The following IMPDH1 variants were observed in gnomAD, a reference collection of about 807,000 sequenced individuals.
IMPDH1 encodes inosine monophosphate dehydrogenase 1, also known as inosine-5'-monophosphate dehydrogenase 1.
IMPDH1 carries 41 observed loss-of-function variants against 73.5 expected under a neutral mutation model. The ratio of observed to expected loss-of-function variants is 0.56; its 90% confidence interval spans 0.43 to 0.72. IMPDH1 has a LOEUF of 0.72. Ranked by LOEUF, IMPDH1 falls within the 30% of genes least tolerant of loss-of-function variation. The pLI is 0.00. For missense variants in IMPDH1, 645 were observed against 824.8 expected (o/e 0.78, Z 2.67); for synonymous variants, 318 against 334.3 (o/e 0.95, Z 0.53).
intron 3 of IMPDH1, among the ~76,000 whole-genome samples, chr7:128,406,262 C>T (rs1798755089): frequency 1.0e-5 from 1 of 95,560 alleles, no homozygotes; most frequent in African/African-American, 4.1e-5. Context: ...TCCAGCCACC[C>T]AGGACCCCCC....
chr7:128,404,306 C>T (rs998788718), intron 4 of IMPDH1, among the ~76,000 whole-genome samples: 9 of 152,118 alleles, frequency 5.9e-5, no homozygotes, highest in Admixed American at 4.6e-4. Flanking sequence ...TCTGACAGAG[C>T]AGAACAGAAA....
Position 128,394,183 on chromosome 7 carries a change from TG to T in IMPDH1, c.1778+94del. The T allele has an allele frequency of 1.0e-6, 1 of 991,408 alleles. No homozygotes were observed. The highest frequency in any genetic ancestry group is 1.6e-6 in the Non-Finnish European group (1 of 622,704). 61.4% of individuals were successfully genotyped at this position (991,408 alleles called of 1,614,324 possible). A position where few individuals can be genotyped will look rare whatever the true frequency, so the allele number is the denominator to read the frequency against. On this transcript the variant is annotated intron_variant, in intron 16 of 16. Transcript: ENST00000338791. The surrounding 1 kb of genome is among the most constrained non-coding windows in gnomAD (Gnocchi z 5.5). ...ATCTGTCCCTGCTGCAGGTGGTCCA[TG>T]GGGTCCCTGGAACCTCAGCTTGACC...
intron 3 of IMPDH1, among the ~76,000 whole-genome samples, chr7:128,408,262 C>CT (rs1798906232): frequency 6.6e-6 from 1 of 152,212 alleles, no homozygotes; most frequent in African/African-American, 2.4e-5. Context: ...CCCGAGGGCT[C>CT]TATCAGGCCT....
At chr7:128,403,828 G>A (rs1798512498) in intron 4 of IMPDH1, 74 bp from the exon 5 acceptor site, 1 of 1,310,304 alleles carries the variant, frequency 7.6e-7, no homozygotes, top group Non-Finnish European at 1.1e-6. Flanking sequence ...CATGCCAGAG[G>A]AGGCAGCAGG....
intron 9 of IMPDH1, among the ~76,000 whole-genome samples, chr7:128,399,259 G>T (rs541578734): frequency 1.3e-5 from 2 of 151,760 alleles, no homozygotes; most frequent in South Asian, 4.2e-4. Flanking sequence ...CCAACTACTC[G>T]GGAGGCTGAG....
In IMPDH1 at chr7:128,404,983, A is replaced by G. The variant is rs116464445; in HGVS notation, c.353+784T>C. ...AGCAGGAGTGCTTACAAGCCAGGGC[A>G]GGGCTGGCAGGAGACAAGGCAGGGA... On this transcript the variant is annotated intron_variant, in intron 4 of 16. Coordinates refer to ENST00000338791, the MANE Select transcript of IMPDH1 (RefSeq NM_000883.4). 5.8e-3 allele frequency among the ~76,000 whole-genome samples: 884 copies of G among 152,318 alleles called. 12 individuals are homozygous for G. Among genetic ancestry groups the G allele is most frequent in the African/African-American group, 0.02 (840 of 41,570 alleles).
At chr7:128,403,795 T>C (rs765047914) in intron 4 of IMPDH1, 41 bp from the exon 5 acceptor site, 1 of 1,582,372 alleles carries the variant, frequency 6.3e-7, no homozygotes, top group Admixed American at 1.7e-5. Flanking sequence ...TGGGGAGGGG[T>C]GCCCCAAAGG....
Position 128,395,231 on chromosome 7 carries a change from CACCTT to C in IMPDH1, c.1300_1304del (p.Lys434GlyfsTer2). 2 of 1,613,840 alleles carry C rather than the reference CACCTT, an allele frequency of 1.2e-6. No individual in the cohort carries two copies. Among genetic ancestry groups the C allele is most frequent in the Non-Finnish European group, 1.7e-6 (2 of 1,180,048 alleles). On this transcript the variant is annotated frameshift_variant, in exon 13 of 17. Transcript: ENST00000338791. LOFTEE classifies it high-confidence loss of function. The stretch of plus-strand genomic sequence containing the variant: ...CACCAAAGCGCCGGGCATACTCAGC[CACCTT>C]GTACACAGCAGTGCCCTGGGGCCGA...
At chr7:128,393,926 C>T (rs1797715644) in intron 16 of IMPDH1, among the ~76,000 whole-genome samples, 1 of 152,178 alleles carries the variant, frequency 6.6e-6, no homozygotes, top group Non-Finnish European at 1.5e-5. Flanking sequence ...AGAGGGGTCA[C>T]ACCCGCATCT....
At chr7:128,408,752 A>G (rs1798942810) in intron 3 of IMPDH1, among the ~76,000 whole-genome samples, 1 of 152,136 alleles carries the variant, frequency 6.6e-6, no homozygotes, top group Non-Finnish European at 1.5e-5. Flanking sequence ...GCCCCTCCCT[A>G]TCGCCCTGCG....
Position 128,403,739 on chromosome 7 carries a change from G to A in IMPDH1, c.369C>T (p.Leu123=). The A allele has an allele frequency of 6.2e-7, 1 of 1,614,094 alleles. No homozygotes were observed. Among genetic ancestry groups the A allele is most frequent in the South Asian group, 1.1e-5 (1 of 91,084 alleles). The change falls in exon 5 of 17, where the codon CTC becomes CTT. Residue 123 remains leucine, a synonymous_variant. Coordinates refer to ENST00000338791, the MANE Select transcript of IMPDH1 (RefSeq NM_000883.4). ...CAGCTATGAAGTCTATGAATCCTGGGAGAATCAGGAAGTCGCTGTGAAGAC... is the reference window on the plus strand; with the variant it reads ...CAGCTATGAAGTCTATGAATCCTGGAAGAATCAGGAAGTCGCTGTGAAGAC... ...DGLTYNDFLI[L]PGFIDFIADE...
chr7:128,401,441 G>A (rs1798329495), intron 5 of IMPDH1, among the ~76,000 whole-genome samples: 1 of 152,188 alleles, frequency 6.6e-6, no homozygotes, highest in South Asian at 2.1e-4. Flanking sequence ...AGAAGTCAGA[G>A]GGGCTGTCAC....
At chr7:128,397,649 T>C (rs980768732) in intron 10 of IMPDH1, among the ~76,000 whole-genome samples, 3 of 152,190 alleles carry the variant, frequency 2.0e-5, no homozygotes, top group African/African-American at 7.2e-5. Flanking sequence ...TCACAAGGGA[T>C]CAATAAGCCT....
chr7:128,393,061 T>C lies in IMPDH1; in HGVS notation c.1779-33A>G. 1.9e-6 allele frequency: 3 copies of C among 1,612,876 alleles called. No homozygotes were observed. The South Asian group carries it at 3.3e-5, about 18-fold the overall frequency. On this transcript the variant is annotated intron_variant, in intron 16 of 16. Coordinates refer to ENST00000338791, the MANE Select transcript of IMPDH1 (RefSeq NM_000883.4). The stretch of plus-strand genomic sequence containing the variant: ...GACAAGGCAAGAGGGGGAACAAGAG[T>C]GGGTGTGTGGACCCTGCTCCTTCCC...
At position 128,394,832 on chromosome 7, in the gene IMPDH1, G is replaced by A. The variant is rs898784003; in HGVS notation, c.1550+57C>T. 3 of 1,599,884 alleles carry A rather than the reference G, an allele frequency of 1.9e-6. No homozygotes were observed. The highest frequency in any genetic ancestry group is 4.5e-5 in the East Asian group (2 of 44,834). ...CCATCTGGGGAAGTCGGTGGCATGA[G>A]CGGGCCCTGAAGGGTTGTGGGCTGA... On this transcript the variant is annotated intron_variant, in intron 14 of 16. Transcript: ENST00000338791. The surrounding 1 kb of genome is among the most constrained non-coding windows in gnomAD (Gnocchi z 5.5).
Position 128,393,039 on chromosome 7 carries a change from A to G in IMPDH1, c.1779-11T>C, listed in dbSNP as rs1176707574. 1 of 1,613,804 alleles carries G rather than the reference A, an allele frequency of 6.2e-7. No individual in the cohort carries two copies. Among genetic ancestry groups the G allele is most frequent in the Non-Finnish European group, 8.5e-7 (1 of 1,179,828 alleles). On this transcript the variant is annotated splice_polypyrimidine_tract_variant and intron_variant, in intron 16 of 16. Transcript: ENST00000338791. ...AGCCGCTTTTCGTAACTGTGGGGAC[A>G]AGGCAAGAGGGGGAACAAGAGTGGG...
At chr7:128,405,224 G>A (rs1255680312) in intron 4 of IMPDH1, among the ~76,000 whole-genome samples, 1 of 152,240 alleles carries the variant, frequency 6.6e-6, no homozygotes, top group East Asian at 1.9e-4. Context: ...AGGGGTAGCA[G>A]TCACAGAATA....
chr7:128,402,125 T>A (rs1182604426), intron 5 of IMPDH1, among the ~76,000 whole-genome samples: 2 of 151,592 alleles, frequency 1.3e-5, no homozygotes, highest in Admixed American at 1.3e-4. Flanking sequence ...CTCTCTCTGA[T>A]GGAGCCTCAT....
chr7:128,405,073 T>C (rs1052066577), intron 4 of IMPDH1, among the ~76,000 whole-genome samples: 4 of 152,190 alleles, frequency 2.6e-5, no homozygotes, highest in African/African-American at 9.7e-5. Context: ...AGGGGCACAG[T>C]CCTGCAGCCA....
Sources: gnomAD v4.1 joint callset for allele counts (sites outside exome capture counted in the v4.1 genomes callset) on GRCh38, gnomAD v4.1.1 for gene constraint, Gnocchi (gnomAD v3.1) non-coding constraint, MANE v1.5 for transcripts, NCBI Gene and HGNC (gene_info 2026-07-23, HGNC 2026-07-21) for gene names.